The following MYLIP variants were observed in gnomAD, a reference collection of about 807,000 sequenced individuals.
The protein encoded by MYLIP is myosin regulatory light chain interacting protein.
Under a neutral mutation model 45.8 loss-of-function variants are expected in MYLIP, and 26 were observed. The ratio of observed to expected loss-of-function variants is 0.57; its 90% CI spans 0.42 to 0.79. The LOEUF is 0.79. Among genes scored for constraint, MYLIP ranks in the 30% least tolerant of loss-of-function variants. MYLIP has a pLI of 0.00. For synonymous variants in MYLIP, 213 were observed against 218.1 expected (o/e 0.98, Z 0.21); for missense variants, 494 against 555.6 (o/e 0.89, Z 1.11).
intron 2 of MYLIP, among the ~76,000 whole-genome samples, chr6:16,131,751 T>C (rs1441124694): frequency 6.6e-6 from 1 of 152,154 alleles, no homozygotes; most frequent in East Asian, 1.9e-4. Flanking sequence ...CATTTGCTTG[T>C]TTGTTTTACC....
At chr6:16,137,346 G>A (rs1168197657) in intron 2 of MYLIP, among the ~76,000 whole-genome samples, 1 of 152,104 alleles carries the variant, frequency 6.6e-6, no homozygotes, top group Non-Finnish European at 1.5e-5. Context: ...TGATCACCGT[G>A]GGTTCTGACA....
At chr6:16,146,015 G>C (rs2113570713) in intron 6 of MYLIP, among the ~76,000 whole-genome samples, 1 of 152,316 alleles carries the variant, frequency 6.6e-6, no homozygotes, top group East Asian at 1.9e-4. Context: ...ATAATACTTA[G>C]TCCTTCAGAA....
At position 16,145,244 on chromosome 6, in the gene MYLIP, A is replaced by G; in HGVS notation, c.1175A>G (p.Glu392Gly). Residue 392 changes from glutamate to glycine, a missense_variant, in exon 6 of 7, where the codon GAG (glutamate) becomes GGG (glycine). Physicochemically the swap from Glu to Gly is moderately conservative, Grantham distance 98. Coordinates refer to ENST00000356840, the MANE Select transcript of MYLIP (RefSeq NM_013262.4). ...GCCATGCTGTGCATGGTGTGCTGCG[A>G]GGAGGAGATCAACTCCACCTTCTGT... ...KEAMLCMVCCEEEINSTFCPC... is the reference protein window; with the variant it reads ...KEAMLCMVCCGEEINSTFCPC... 6.2e-7 allele frequency: 1 copy of G among 1,613,468 alleles called. No individual in the cohort carries two copies. The highest frequency in any genetic ancestry group is 8.5e-7 in the Non-Finnish European group (1 of 1,179,512).
chr6:16,143,338 T>C (rs781726662), intron 4 of MYLIP, 121 bp downstream of exon 4: 30 of 997,988 alleles, frequency 3.0e-5, no homozygotes, highest in Non-Finnish European at 4.4e-5. Context: ...AGATTTCATT[T>C]TGGTATGTAC....
At chr6:16,137,900 A>G (rs564462492) in intron 2 of MYLIP, among the ~76,000 whole-genome samples, 2 of 152,194 alleles carry the variant, frequency 1.3e-5, no homozygotes, top group South Asian at 4.1e-4. Context: ...AAAAAAATCT[A>G]TAATGCTCAG....
downstream of MYLIP, among the ~76,000 whole-genome samples, chr6:16,150,162 G>A (rs1293220331): frequency 6.6e-6 from 1 of 152,206 alleles, no homozygotes; most frequent in Admixed American, 6.5e-5. Context: ...TGAACAGCGA[G>A]ACTATGAAGG....
At chr6:16,144,803 C>A in intron 5 of MYLIP, 94 bp from the exon 6 acceptor site, 1 of 1,394,160 alleles carries the variant, frequency 7.2e-7, no homozygotes, top group Non-Finnish European at 9.8e-7. Context: ...GACTATGAAA[C>A]ATCTGCTGAC....
intron 2 of MYLIP, among the ~76,000 whole-genome samples, chr6:16,137,501 T>G (rs1256968015): frequency 6.6e-6 from 1 of 152,220 alleles, no homozygotes; most frequent in Non-Finnish European, 1.5e-5. Flanking sequence ...GTTCTTAAAT[T>G]TTGAGTTCAA....
At chr6:16,146,559 A>C in intron 6 of MYLIP, 103 bp from the exon 7 acceptor site, 1 of 847,410 alleles carries the variant, frequency 1.2e-6, no homozygotes, top group Non-Finnish European at 1.9e-6. Context: ...ATCACAATTG[A>C]TTTAGAAAAT....
chr6:16,155,217 C>A, the MYLIP span, among the ~76,000 whole-genome samples: 10 of 152,138 alleles, frequency 6.6e-5, no homozygotes, highest in African/African-American at 2.4e-4. Context: ...TGTTCCAGGC[C>A]CACACCCACC....
the MYLIP span, among the ~76,000 whole-genome samples, chr6:16,162,213 G>C: frequency 1.3e-5 from 2 of 152,186 alleles, no homozygotes; most frequent in Non-Finnish European, 2.9e-5. Context: ...TGGTTTATGG[G>C]GTGAGGATGT....
At position 16,143,619 on chromosome 6, in the gene MYLIP, A is replaced by T. The variant is rs117833494; in HGVS notation, c.663-80A>T. The T allele has an allele frequency of 1.2e-3, 1,750 of 1,481,640 alleles. 36 individuals carry two copies. The East Asian group carries it at 0.032, about 27-fold the overall frequency. 91.8% of individuals were successfully genotyped at this position (1,481,640 alleles called of 1,614,324 possible). A position where few individuals can be genotyped will look rare whatever the true frequency, so the allele number is the denominator to read the frequency against. On this transcript the variant is annotated intron_variant, in intron 4 of 6. Transcript: ENST00000356840. ...GATTTTTCTGCTAGGTCATGAGCAA[A>T]TGGGGATCCCACAAAGGCACACACA...
rs755651136 is a variant in MYLIP at position 16,143,060 on chromosome 6, G to T, written c.505G>T (p.Ala169Ser). 1 of 1,614,174 alleles carries T rather than the reference G, an allele frequency of 6.2e-7. No individual in the cohort carries two copies. The highest frequency in any genetic ancestry group is 8.5e-7 in the Non-Finnish European group (1 of 1,180,020). The part of the protein sequence containing the change: ...KHKELEGTSQ[A>S]SAEYQVLQIV... ...TAAGGAGTTGGAGGGGACCAGCCAGGCTTCAGCTGAATACCAAGTTTTGCA... is the reference window on the plus strand; with the variant it reads ...TAAGGAGTTGGAGGGGACCAGCCAGTCTTCAGCTGAATACCAAGTTTTGCA... The change falls in exon 4 of 7, where the codon GCT becomes TCT. Residue 169 changes from alanine (A) to serine (S), a missense_variant. Ala to Ser is a moderately conservative substitution (Grantham distance 99). Coordinates refer to ENST00000356840, the MANE Select transcript of MYLIP (RefSeq NM_013262.4).
downstream of MYLIP, among the ~76,000 whole-genome samples, chr6:16,151,150 C>T (rs559283216): frequency 1.3e-4 from 19 of 151,666 alleles, no homozygotes; most frequent in Non-Finnish European, 2.7e-4. Flanking sequence ...GAGATCAAGA[C>T]CATCCTGGCT....
At chr6:16,151,087 C>T (rs796327359), downstream of MYLIP, among the ~76,000 whole-genome samples, 63 of 152,070 alleles carry the variant, frequency 4.1e-4, no homozygotes, top group Middle Eastern at 3.4e-3. Flanking sequence ...CGGTGGCTCA[C>T]GCCTGTAACC....
the MYLIP span, among the ~76,000 whole-genome samples, chr6:16,156,532 C>T: frequency 6.6e-6 from 1 of 152,196 alleles, no homozygotes; most frequent in Non-Finnish European, 1.5e-5. Flanking sequence ...AGCTGCACCT[C>T]TTACTGCAGG....
At chr6:16,160,254 T>C in the MYLIP span, among the ~76,000 whole-genome samples, 1 of 152,194 alleles carries the variant, frequency 6.6e-6, no homozygotes, top group Non-Finnish European at 1.5e-5. Flanking sequence ...GAGTGAATAT[T>C]ACTGTGCGCA....
chr6:16,138,910 A>G (rs1759609748), intron 2 of MYLIP, among the ~76,000 whole-genome samples: 1 of 152,156 alleles, frequency 6.6e-6, no homozygotes, highest in Non-Finnish European at 1.5e-5. Context: ...CTTTTCTTAA[A>G]TTCTGGCCCA....
At chr6:16,142,623 T>A (rs1241169346) in intron 3 of MYLIP, among the ~76,000 whole-genome samples, 1 of 152,210 alleles carries the variant, frequency 6.6e-6, no homozygotes, top group African/African-American at 2.4e-5. Flanking sequence ...CCATGCCAGG[T>A]TGACTCCTGT....
Sources: gnomAD v4.1 joint callset for allele counts (sites outside exome capture counted in the v4.1 genomes callset) on GRCh38, gnomAD v4.1.1 for gene constraint, MANE v1.5 for transcripts, NCBI Gene and HGNC (gene_info 2026-07-23, HGNC 2026-07-21) for gene names.